The following ARMC12 variants were observed in gnomAD, a reference collection of about 807,000 sequenced individuals.
ARMC12 encodes the protein armadillo repeat containing 12.
A neutral mutation model predicts 37.4 loss-of-function variants in ARMC12; 25 were observed. The ratio of observed to expected loss-of-function variants is 0.67; its 90% CI spans 0.49 to 0.93. The LOEUF (loss-of-function observed/expected upper bound fraction) is 0.93. Ranked by LOEUF, ARMC12 falls within the 40% of genes least tolerant of loss-of-function variation. The pLI, the probability that ARMC12 is intolerant of heterozygous loss-of-function variation, is 0.00. For synonymous variants in ARMC12, 167 were observed against 176.1 expected, an observed-to-expected ratio of 0.95 and a Z score of 0.41; for missense variants, 384 against 426.6, an observed-to-expected ratio of 0.90 and a Z score of 0.88.
rs1409965288 is a variant in ARMC12 at position 35,748,689 on chromosome 6, A to G, written c.842A>G (p.Glu281Gly). The G allele has an allele frequency of 1.9e-6, 3 of 1,614,160 alleles. No homozygotes were observed. The highest frequency in any genetic ancestry group is 2.5e-6 in the Non-Finnish European group (3 of 1,180,010). The change falls in exon 6 of 6, where the codon GAA (glutamate) becomes GGA (glycine). Residue 281 changes from glutamate (E) to glycine (G), a missense_variant. Physicochemically the swap from Glu to Gly is moderately conservative, Grantham distance 98. Coordinates refer to ENST00000373866, the MANE Select transcript of ARMC12 (RefSeq NM_001286574.2). ...KWHYNEQSLH[E>G]SLFGEESRLA... ...CATTACAACGAACAGTCCCTGCATG[A>G]ATCCCTCTTTGGGGAAGAGTCCCGA...
rs1261932737 is a variant in ARMC12, at chr6:35,737,128, A to T, written c.20A>T (p.Gln7Leu). 6.2e-7 allele frequency: 1 copy of T among 1,614,138 alleles called. No individual in the cohort carries two copies. The highest frequency in any genetic ancestry group is 1.1e-5 in the South Asian group (1 of 91,086). MGKSIP[Q>L]YLGQLDIRKS... ...GAAGACATGGGCAAGAGCATCCCCC[A>T]ATACCTGGGGCAACTGGACATCCGC... The change falls in exon 1 of 6, where the codon CAA becomes CTA. Residue 7 changes from glutamine to leucine, a missense_variant. Transcript: ENST00000373866.
intron 3 of ARMC12, among the ~76,000 whole-genome samples, chr6:35,741,961 G>C (rs994993792): frequency 6.6e-6 from 1 of 151,914 alleles, no homozygotes; most frequent in African/African-American, 2.4e-5. Flanking sequence ...GGACTCAAGT[G>C]ATCCTCCCAC....
In ARMC12 at chr6:35,738,543, G is replaced by T. The variant is rs746452387; in HGVS notation, c.444+25G>T. 3.7e-6 allele frequency: 6 copies of T among 1,613,282 alleles called. No homozygotes were observed. In the Admixed American group the frequency reaches 6.7e-5, roughly 18 times the overall value. ...GGTGAGCCCAGGGATGCGTGGTGGG[G>T]CATGCAGGATGTCTATAGTCCTTAA... On this transcript the variant is annotated intron_variant, in intron 3 of 5. Transcript: ENST00000373866.
Position 35,738,030 on chromosome 6 carries a change from T to C in ARMC12, c.167T>C (p.Leu56Pro). The change falls in exon 2 of 6, where the codon CTG becomes CCG. Residue 56 changes from leucine to proline, a missense_variant. Transcript: ENST00000373866. ...CTGGGCTGGGGTGGCTGTCTAGGCC[T>C]GGCAGTCGAGCGAGAGCGGCACGGG... is the stretch of plus-strand genomic sequence containing the variant. The part of the protein sequence containing the change: ...CSNSPICIAR[L>P]AVERERHGRD... The C allele has an allele frequency of 6.2e-7, 1 of 1,613,164 alleles. No homozygotes were observed. The highest frequency in any genetic ancestry group is 1.7e-5 in the Admixed American group (1 of 60,020).
upstream of ARMC12, among the ~76,000 whole-genome samples, chr6:35,732,911 A>G (rs530591566): frequency 3.3e-4 from 50 of 152,194 alleles, no homozygotes; most frequent in Non-Finnish European, 6.5e-4. Flanking sequence ...TGGTGGCGTA[A>G]GCCTGTAATC....
upstream of ARMC12, chr6:35,736,984 C>T: frequency 6.9e-7 from 1 of 1,444,086 alleles, no homozygotes; most frequent in South Asian, 1.3e-5. Context: ...CCCCAGTTTC[C>T]TTTGTTGCCT....
At chr6:35,732,987 G>A (rs1216194632), upstream of ARMC12, among the ~76,000 whole-genome samples, 6 of 152,150 alleles carry the variant, frequency 3.9e-5, no homozygotes, top group African/African-American at 1.4e-4. Context: ...CAGCCTGGCC[G>A]AAATCGTGAA....
chr6:35,739,087 G>A (rs1056750268), intron 3 of ARMC12, among the ~76,000 whole-genome samples: 2 of 152,144 alleles, frequency 1.3e-5, no homozygotes, highest in Non-Finnish European at 2.9e-5. Flanking sequence ...ACAGCTAAAC[G>A]GAGGAGACAC....
intron 2 of ARMC12, 52 bp from the exon 3 acceptor site, chr6:35,738,332 G>A (rs1767056964): frequency 4.4e-6 from 7 of 1,589,896 alleles, no homozygotes. Context: ...GGGGGCAGTG[G>A]GCCCAGAACA....
chr6:35,733,176 A>G (rs1766874953), upstream of ARMC12, among the ~76,000 whole-genome samples: 1 of 151,912 alleles, frequency 6.6e-6, no homozygotes, highest in Non-Finnish European at 1.5e-5. Context: ...CGTCTCAAAA[A>G]AGAGAGAGAG....
At chr6:35,742,548 A>G (rs1045884205) in intron 3 of ARMC12, among the ~76,000 whole-genome samples, 12 of 151,228 alleles carry the variant, frequency 7.9e-5, no homozygotes, top group African/African-American at 2.7e-4. Flanking sequence ...CAACAGGAGA[A>G]CTTTGTTTTT....
At chr6:35,738,002 G>A (rs752035072) in intron 1 of ARMC12, 25 bp from the exon 2 acceptor site, 392 of 1,610,684 alleles carry the variant, frequency 2.4e-4, no homozygotes, top group Non-Finnish European at 3.2e-4. Context: ...TCCACAGCCT[G>A]AACTGGGCTG....
Position 35,748,971 on chromosome 6 carries a change from T to C in ARMC12, c.*101T>C. ...TTCCAGGGCTGGGTGGAGATTTCAT[T>C]CAGCATAACCTCTGCTCCAGAGTGT... On this transcript the variant is annotated 3_prime_UTR_variant, in exon 6 of 6. Coordinates refer to ENST00000373866, the MANE Select transcript of ARMC12 (RefSeq NM_001286574.2). 1 of 1,196,228 alleles carries C rather than the reference T, an allele frequency of 8.4e-7. No homozygotes were observed. Among genetic ancestry groups the C allele is most frequent in the Non-Finnish European group, 1.2e-6 (1 of 866,364 alleles). The allele number at this position is 1,196,228 out of a possible 1,614,324, so 74.1% of individuals were successfully genotyped here.
At chr6:35,734,750 C>T (rs1319034858), upstream of ARMC12, among the ~76,000 whole-genome samples, 1 of 151,062 alleles carries the variant, frequency 6.6e-6, no homozygotes, top group East Asian at 1.9e-4. Flanking sequence ...TGCAGTGAGC[C>T]AACATCGCAC....
chr6:35,740,026 AG>A (rs1211831898), intron 3 of ARMC12, among the ~76,000 whole-genome samples: 2 of 152,208 alleles, frequency 1.3e-5, no homozygotes, highest in Non-Finnish European at 2.9e-5. Flanking sequence ...GTGACCAAAA[AG>A]GGTTGGTTTG....
intron 5 of ARMC12, 33 bp downstream of exon 5, chr6:35,747,680 G>A (rs780137765): frequency 3.8e-6 from 6 of 1,597,924 alleles, no homozygotes; most frequent in Non-Finnish European, 5.1e-6. Context: ...GCTGATGAAT[G>A]CCAACTCAGG....
chr6:35,748,457 A>G, intron 5 of ARMC12, 81 bp from the exon 6 acceptor site: 1 of 1,190,158 alleles, frequency 8.4e-7, no homozygotes, highest in Non-Finnish European at 1.1e-6. Context: ...TTGGGAGTTT[A>G]GGCAATAGGA....
intron 4 of ARMC12, 28 bp downstream of exon 4, chr6:35,747,462 G>C: frequency 6.2e-7 from 1 of 1,613,968 alleles, no homozygotes; most frequent in Non-Finnish European, 8.5e-7. Context: ...CCAAGGCCCT[G>C]CCTTGCTGAC....
chr6:35,747,176 A>T (rs937182156), intron 3 of ARMC12, 85 bp from the exon 4 acceptor site: 3 of 1,481,648 alleles, frequency 2.0e-6, no homozygotes, highest in Admixed American at 3.7e-5. Flanking sequence ...GGGGACATCC[A>T]TGGGGACAGT....
Sources: gnomAD v4.1 joint callset for allele counts (sites outside exome capture counted in the v4.1 genomes callset) on GRCh38, gnomAD v4.1.1 for gene constraint, MANE v1.5 for transcripts, NCBI Gene and HGNC (gene_info 2026-07-23, HGNC 2026-07-21) for gene names.